Variants in BRD9 observed in about 807,000 individuals in gnomAD.
BRD9 encodes the protein bromodomain containing 9.
In BRD9, 47 loss-of-function variants were observed where a neutral mutation model predicts 68.7. That is an observed-to-expected ratio of 0.68 (90% CI 0.54 to 0.87). BRD9 has a LOEUF of 0.87. Among genes scored for constraint, BRD9 ranks in the 40% least tolerant of loss-of-function variants. The probability of loss-of-function intolerance (pLI) is 0.00; values close to 1 mark genes in which losing one functional copy is unlikely to be tolerated. For missense variants in BRD9, 670 were observed against 748.4 expected (o/e 0.90, Z 1.22); for synonymous variants, 313 against 293.9 (o/e 1.06, Z -0.67).
At chr5:883,229 C>A (rs1378114070) in intron 8 of BRD9, 3 of 431,792 alleles carry the variant, frequency 6.9e-6, no homozygotes, top group South Asian at 3.3e-5. Flanking sequence ...ATCCCATGTG[C>A]ATTTTGAAGA....
chr5:870,224 AC>A, intron 14 of BRD9: 1 of 456,706 alleles, frequency 2.2e-6, no homozygotes, highest in South Asian at 2.5e-5. Context: ...GATCGGCCAG[AC>A]CCCATCCTGA....
chr5:888,718 G>A (rs945743775), intron 5 of BRD9, among the ~76,000 whole-genome samples: 3 of 152,220 alleles, frequency 2.0e-5, no homozygotes, highest in African/African-American at 4.8e-5. Flanking sequence ...GTCTCAAGCC[G>A]TGCCACACCG....
At position 876,175 on chromosome 5, in the gene BRD9, T is replaced by G. The variant is rs1750891506; in HGVS notation, c.1309A>C (p.Lys437Gln). ...EFVKDAGSYSKKVVDDLLDQI... is the reference protein window; with the variant it reads ...EFVKDAGSYSQKVVDDLLDQI... ...TCCAGGAGGTCGTCCACCACTTTCT[T>G]GCTGTAGCTCCCAGCATCCTTCACA... The change falls in exon 12 of 16, where the codon AAG becomes CAG. Residue 437 changes from lysine (K) to glutamine (Q), a missense_variant. Physicochemically the swap from Lys to Gln is moderately conservative, Grantham distance 53. Transcript: ENST00000467963. 6.2e-7 allele frequency: 1 copy of G among 1,613,954 alleles called. No homozygotes were observed. The highest frequency in any genetic ancestry group is 8.5e-7 in the Non-Finnish European group (1 of 1,179,970).
At position 891,307 on chromosome 5, in the gene BRD9, G is replaced by C; in HGVS notation, c.268-20C>G. ...CTCTTCCTGGGCGGCAGAGTCAAGG[G>C]AGTGAGAAAGGCAGGAGTAGGCGGG... On this transcript the variant is annotated intron_variant, in intron 2 of 15. Transcript: ENST00000467963. 3 of 1,549,742 alleles carry C rather than the reference G, an allele frequency of 1.9e-6. No homozygotes were observed. The highest frequency in any genetic ancestry group is 2.6e-6 in the Non-Finnish European group (3 of 1,145,942).
intron 11 of BRD9, among the ~76,000 whole-genome samples, chr5:877,239 G>A (rs1048076240): frequency 3.9e-5 from 6 of 152,232 alleles, no homozygotes; most frequent in Non-Finnish European, 5.9e-5. Context: ...GGGGAGCCAC[G>A]GCCTTGGCCC....
intron 2 of BRD9, 53 bp from the exon 3 acceptor site, chr5:891,340 C>T (rs1753359288): frequency 6.5e-7 from 1 of 1,531,202 alleles, no homozygotes; most frequent in Middle Eastern, 1.7e-4. Context: ...GGGATCCGGA[C>T]AGGTCTGCCC....
chr5:880,889 C>T (rs568292340), intron 9 of BRD9, among the ~76,000 whole-genome samples: 2 of 152,242 alleles, frequency 1.3e-5, no homozygotes, highest in African/African-American at 2.4e-5. Context: ...TCCCAAGGAG[C>T]CCTGACCGAG....
Position 868,924 on chromosome 5 carries a change from C to G in BRD9, c.1525+1549G>C, listed in dbSNP as rs531042029. On this transcript the variant is annotated intron_variant, in intron 14 of 15. Coordinates refer to ENST00000467963, the MANE Select transcript of BRD9 (RefSeq NM_023924.5). ...CCACAAATGCTGCTGGAGGTCAGAA[C>G]AGCTCGGGGGCGCTGCACCGGCAGC... is the stretch of plus-strand genomic sequence containing the variant. The G allele has an allele frequency of 2.6e-4, 46 of 178,636 alleles. 1 individual carries two copies. In the South Asian group the frequency reaches 5.3e-3, roughly 21 times the overall value. The allele number at this position is 178,636 out of a possible 1,614,324, so 11.1% of individuals were successfully genotyped here.
At chr5:886,522 ACAAGG>A in intron 7 of BRD9, 65 bp downstream of exon 7, 1 of 1,428,840 alleles carries the variant, frequency 7.0e-7, no homozygotes, top group Non-Finnish European at 9.7e-7. Flanking sequence ...ACTCTCCCCT[ACAAGG>A]CACCTGCTTT....
At position 883,987 on chromosome 5, in the gene BRD9, G is replaced by C; in HGVS notation, c.917C>G (p.Ala306Gly). The C allele has an allele frequency of 6.2e-7, 1 of 1,613,706 alleles. No homozygotes were observed. The highest frequency in any genetic ancestry group is 8.5e-7 in the Non-Finnish European group (1 of 1,180,030). The change falls in exon 8 of 16, where the codon GCA (alanine) becomes GGA (glycine). Residue 306 changes from alanine to glycine, a missense_variant. Physicochemically the swap from Ala to Gly is moderately conservative, Grantham distance 60. Coordinates refer to ENST00000467963, the MANE Select transcript of BRD9 (RefSeq NM_023924.5). ...GATCCTGTCCCGAGCTTCGTCAGCT[G>C]CGTGCTCCACCAGCGCCAGCACGTG... is the stretch of plus-strand genomic sequence containing the variant. ...EEHVLALVEHAADEARDRINR... is the reference protein window; with the variant it reads ...EEHVLALVEHGADEARDRINR...
rs567569384 is a variant in BRD9 at position 872,987 on chromosome 5, A to C, written c.1384-1423T>G. Among the ~76,000 whole-genome samples, 3 of 152,320 alleles carry C rather than the reference A, an allele frequency of 2.0e-5. No homozygotes were observed. In the East Asian group the frequency reaches 5.8e-4, roughly 29 times the overall value. On this transcript the variant is annotated intron_variant, in intron 12 of 15. Coordinates refer to ENST00000467963, the MANE Select transcript of BRD9 (RefSeq NM_023924.5). Reference sequence around the variant, plus strand: ...AAAGACCAGCCTGGCCAACATGGCGAAACTCCGCCTCTACTAAAAATACAA... The same window carrying C: ...AAAGACCAGCCTGGCCAACATGGCGCAACTCCGCCTCTACTAAAAATACAA...
In BRD9 at chr5:881,132, G is replaced by C; in HGVS notation, c.1017C>G (p.Val339=). The change falls in exon 9 of 16, where the codon GTC becomes GTG. Residue 339 remains valine (V), a synonymous_variant. Coordinates refer to ENST00000467963, the MANE Select transcript of BRD9 (RefSeq NM_023924.5). ...NGDGSLLYSV[V]NTAEPDADEE... is the part of the protein sequence containing the mutation. ...CATCAGCGTCCGGCTCGGCCGTGTT[G>C]ACCACGCTGTAGAGCAGGCTCCCGT... 6.2e-7 allele frequency: 1 copy of C among 1,614,082 alleles called. No individual in the cohort carries two copies. Among genetic ancestry groups the C allele is most frequent in the Non-Finnish European group, 8.5e-7 (1 of 1,180,036 alleles).
In BRD9 at chr5:884,002, G is replaced by C; in HGVS notation, c.902C>G (p.Ala301Gly). 6.2e-7 allele frequency: 1 copy of C among 1,613,734 alleles called. No individual in the cohort carries two copies. The highest frequency in any genetic ancestry group is 8.5e-7 in the Non-Finnish European group (1 of 1,180,028). The part of the protein sequence containing the change: ...TDSTAEEHVL[A>G]LVEHAADEAR... ...TTCGTCAGCTGCGTGCTCCACCAGC[G>C]CCAGCACGTGCTCCTCTGCGGTACT... is the stretch of plus-strand genomic sequence containing the variant. Residue 301 changes from alanine to glycine, a missense_variant, in exon 8 of 16, where the codon GCG becomes GGG. This residue lies in a region of BRD9 where 135 missense variants were observed against 141.2 expected (regional missense o/e 0.96). Coordinates refer to ENST00000467963, the MANE Select transcript of BRD9 (RefSeq NM_023924.5).
chr5:892,781 T>TCGCTGGGCC lies in BRD9; in HGVS notation c.-133_-125dup. 1 of 1,077,422 alleles carries TCGCTGGGCC rather than the reference T, an allele frequency of 9.3e-7. No individual in the cohort carries two copies. Among genetic ancestry groups the TCGCTGGGCC allele is most frequent in the Non-Finnish European group, 1.2e-6 (1 of 851,220 alleles). The allele number at this position is 1,077,422 out of a possible 1,614,324, so 66.7% of individuals were successfully genotyped here. On this transcript the variant is annotated 5_prime_UTR_variant, in exon 1 of 16. Coordinates refer to ENST00000467963, the MANE Select transcript of BRD9 (RefSeq NM_023924.5). ...GCTCGCTGCGCCGAGGTTGCCGAGC[T>TCGCTGGGCC]CGCTGGGCCGCGCCGGAAACGGGGC...
chr5:875,887 G>C (rs1302130389), intron 12 of BRD9, among the ~76,000 whole-genome samples: 1 of 152,214 alleles, frequency 6.6e-6, no homozygotes, highest in Non-Finnish European at 1.5e-5. Flanking sequence ...TGGAAATAGA[G>C]AGTTACGAGT....
rs143034112 is a variant in BRD9, at chr5:876,137, G to A, written c.1347C>T (p.Gly449=). The A allele has an allele frequency of 1.8e-4, 290 of 1,613,654 alleles. 2 individuals carry two copies. The highest frequency in any genetic ancestry group is 3.3e-4 in the South Asian group (30 of 91,074). The stretch of plus-strand genomic sequence containing the variant: ...GGAAGAGCGTCCTAGAGTGGTCTCC[G>A]CCTGTGATCTGGTCCAGGAGGTCGT... ...VVDDLLDQIT[G]GDHSRTLFQL... Residue 449 remains glycine (G), a synonymous_variant, in exon 12 of 16, where the codon GGC becomes GGT. Coordinates refer to ENST00000467963, the MANE Select transcript of BRD9 (RefSeq NM_023924.5).
At position 887,452 on chromosome 5, in the gene BRD9, C is replaced by T; in HGVS notation, c.626G>A (p.Cys209Tyr). Residue 209 changes from cysteine (C) to tyrosine (Y), a missense_variant, in exon 6 of 16, where the codon TGT (cysteine) becomes TAT (tyrosine). Physicochemically the swap from Cys to Tyr is radical, Grantham distance 194. Transcript: ENST00000467963. Reference protein sequence around the residue: ...TEFKADFKLMCDNAMTYNRPD... With the variant: ...TEFKADFKLMYDNAMTYNRPD... ...CCTATTGTATGTCATTGCATTATCA[C>T]ACATCAGCTTGAAATCTGCCTGAAA... 1 of 1,613,816 alleles carries T rather than the reference C, an allele frequency of 6.2e-7. No homozygotes were observed. The highest frequency in any genetic ancestry group is 8.5e-7 in the Non-Finnish European group (1 of 1,179,836).
chr5:874,143 T>C (rs1484928558), intron 12 of BRD9, among the ~76,000 whole-genome samples: 3 of 150,868 alleles, frequency 2.0e-5, no homozygotes, highest in Admixed American at 1.3e-4. Context: ...GGTCTTGCTC[T>C]ATTGCCTAGA....
intron 7 of BRD9, 68 bp downstream of exon 7, chr5:886,524 A>T (rs1436175878): frequency 9.0e-6 from 13 of 1,436,868 alleles, no homozygotes; most frequent in Non-Finnish European, 1.3e-5. Context: ...TCTCCCCTAC[A>T]AGGCACCTGC....
Sources: allele counts gnomAD v4.1 joint callset (sites outside exome capture counted in the v4.1 genomes callset), GRCh38; gene constraint gnomAD v4.1.1; regional missense constraint gnomAD v4.1.1; transcripts MANE v1.5; gene names NCBI Gene and HGNC (gene_info 2026-07-23, HGNC 2026-07-21).